The following ZMAT4 variants were observed in gnomAD, a reference collection of about 807,000 sequenced individuals.
ZMAT4 encodes zinc finger matrin-type 4.
ZMAT4 carries 17 observed loss-of-function variants against 28.7 expected under a neutral mutation model. The ratio of observed to expected loss-of-function variants is 0.59; its 90% CI spans 0.41 to 0.89. ZMAT4 has a LOEUF of 0.89. ZMAT4 is among the 40% of genes least tolerant of loss of function. The pLI is 0.00. For missense variants in ZMAT4, 240 were observed against 283.8 expected (o/e 0.85, Z 1.11); for synonymous variants, 117 against 109.2 (o/e 1.07, Z -0.44).
At chr8:40,850,777 G>A (rs555614434) in intron 1 of ZMAT4, among the ~76,000 whole-genome samples, 31 of 152,204 alleles carry the variant, frequency 2.0e-4, no homozygotes, top group Non-Finnish European at 3.1e-4. Flanking sequence ...CTTACAGTCC[G>A]GCAGTTACAC....
intron 1 of ZMAT4, among the ~76,000 whole-genome samples, chr8:40,883,625 C>T (rs895604242): frequency 6.6e-6 from 1 of 152,154 alleles, no homozygotes; most frequent in Admixed American, 6.5e-5. Flanking sequence ...ACTGCCTCCT[C>T]CCTCATAGGA....
intron 3 of ZMAT4, among the ~76,000 whole-genome samples, chr8:40,701,801 A>G (rs1028538075): frequency 6.6e-6 from 1 of 152,142 alleles, no homozygotes; most frequent in African/African-American, 2.4e-5. Context: ...TACAGGCATC[A>G]GCCACCACTG....
chr8:40,723,888 C>T (rs559700654), intron 3 of ZMAT4, among the ~76,000 whole-genome samples: 97 of 152,196 alleles, frequency 6.4e-4, no homozygotes, highest in African/African-American at 2.3e-3. Context: ...CAGAGAGCTG[C>T]CACTTCCTGA....
chr8:40,691,475 GT>G (rs1809661571), intron 4 of ZMAT4, among the ~76,000 whole-genome samples: 1 of 151,674 alleles, frequency 6.6e-6, no homozygotes, highest in African/African-American at 2.4e-5. Flanking sequence ...GAATGTCACC[GT>G]GTTCAACCTC....
At chr8:40,740,851 A>G (rs1811970558) in intron 3 of ZMAT4, among the ~76,000 whole-genome samples, 1 of 152,178 alleles carries the variant, frequency 6.6e-6, no homozygotes. Flanking sequence ...ATTTTATAGG[A>G]ACCTCAAATT....
At chr8:40,883,159 C>T (rs969374715) in intron 1 of ZMAT4, among the ~76,000 whole-genome samples, 2 of 152,178 alleles carry the variant, frequency 1.3e-5, no homozygotes, top group Non-Finnish European at 1.5e-5. Context: ...TGAGCAAATG[C>T]TGTGTGTCCC....
In ZMAT4 at chr8:40,821,023, G is replaced by A. The variant is rs369926552; in HGVS notation, c.102+4552C>T. 3.0e-3 allele frequency among the ~76,000 whole-genome samples: 430 copies of A among 142,686 alleles called. 1 individual carries two copies. The highest frequency in any genetic ancestry group is 0.01 in the African/African-American group (404 of 39,528). 93.6% of individuals were successfully genotyped at this position (142,686 alleles called of 152,430 possible). On this transcript the variant is annotated intron_variant, in intron 2 of 6. Coordinates refer to ENST00000297737, the MANE Select transcript of ZMAT4 (RefSeq NM_024645.3). ...TATGTGTATATGTGTTTATGGGTGC[G>A]TGTGTATGTGTATGTATGTGTGGGT...
chr8:40,681,138 G>A (rs149112558), intron 4 of ZMAT4, among the ~76,000 whole-genome samples: 1 of 152,228 alleles, frequency 6.6e-6, no homozygotes, highest in Non-Finnish European at 1.5e-5. Flanking sequence ...TGATTAATAA[G>A]CAGCAGAGGA....
At chr8:40,668,198 G>T (rs115647090) in intron 5 of ZMAT4, among the ~76,000 whole-genome samples, 2 of 152,044 alleles carry the variant, frequency 1.3e-5, no homozygotes, top group African/African-American at 4.8e-5. Flanking sequence ...GTGGCTGGGC[G>T]CAGTGGCTCA....
At chr8:40,821,893 C>G (rs1391301885) in intron 2 of ZMAT4, among the ~76,000 whole-genome samples, 1 of 152,156 alleles carries the variant, frequency 6.6e-6, no homozygotes, top group Non-Finnish European at 1.5e-5. Context: ...AAGATAGATA[C>G]CAAGATTTTT....
At chr8:40,881,594 GAA>G (rs1219760129) in intron 1 of ZMAT4, among the ~76,000 whole-genome samples, 1 of 108,522 alleles carries the variant, frequency 9.2e-6, no homozygotes, top group Non-Finnish European at 2.0e-5. Context: ...AAGAAAGAAA[GAA>G]AGAAAAGAAA....
At chr8:40,709,854 T>C (rs1053645483) in intron 3 of ZMAT4, among the ~76,000 whole-genome samples, 2 of 152,026 alleles carry the variant, frequency 1.3e-5, no homozygotes, top group African/African-American at 2.4e-5. Context: ...CTGGCCAACA[T>C]AGTGAAACTC....
intron 2 of ZMAT4, among the ~76,000 whole-genome samples, chr8:40,824,695 GAAAGAAAGA>G (rs1018522117): frequency 7.5e-6 from 1 of 133,200 alleles, no homozygotes; most frequent in African/African-American, 2.8e-5. Context: ...GAAAAATAAA[GAAAGAAAGA>G]AAAGAAAGAA....
intron 5 of ZMAT4, among the ~76,000 whole-genome samples, chr8:40,633,041 T>G (rs1334010615): frequency 6.6e-6 from 1 of 152,194 alleles, no homozygotes; most frequent in Non-Finnish European, 1.5e-5. Context: ...TCATCCTCCT[T>G]GTCCCAAGAA....
intron 5 of ZMAT4, among the ~76,000 whole-genome samples, chr8:40,605,567 C>T (rs1805552307): frequency 2.0e-5 from 3 of 151,856 alleles, no homozygotes; most frequent in African/African-American, 7.3e-5. Context: ...TGATTTTCCT[C>T]AATTTATTTA....
intron 1 of ZMAT4, among the ~76,000 whole-genome samples, chr8:40,894,458 G>C (rs947242447): frequency 1.3e-5 from 2 of 152,108 alleles, no homozygotes; most frequent in Non-Finnish European, 2.9e-5. Context: ...AAAGTAACCA[G>C]GAAAGAGAGG....
At chr8:40,615,634 C>CT (rs1434323319) in intron 5 of ZMAT4, among the ~76,000 whole-genome samples, 3 of 152,078 alleles carry the variant, frequency 2.0e-5, no homozygotes, top group Non-Finnish European at 4.4e-5. Context: ...TCTTTTTACT[C>CT]TTTTTTTCTC....
At chr8:40,830,422 G>A (rs1030551022) in intron 1 of ZMAT4, among the ~76,000 whole-genome samples, 4 of 152,118 alleles carry the variant, frequency 2.6e-5, no homozygotes, top group Non-Finnish European at 5.9e-5. Flanking sequence ...ATAAGTGAGA[G>A]CATGCAATAT....
intron 5 of ZMAT4, among the ~76,000 whole-genome samples, chr8:40,669,414 T>C (rs1467714479): frequency 6.6e-6 from 1 of 152,050 alleles, no homozygotes; most frequent in African/African-American, 2.4e-5. Context: ...TAAATGATGA[T>C]GTATTTCATA....
Sources: allele counts gnomAD v4.1 joint callset (sites outside exome capture counted in the v4.1 genomes callset), GRCh38; gene constraint gnomAD v4.1.1; transcripts MANE v1.5; gene names NCBI Gene and HGNC (gene_info 2026-07-23, HGNC 2026-07-21).